Variants in ADCY5 observed in about 807,000 individuals in gnomAD.
The protein encoded by ADCY5 is adenylate cyclase type 5.
A neutral mutation model predicts 119.7 loss-of-function variants in ADCY5; 30 were observed. That is an observed-to-expected ratio of 0.25 (90% CI 0.19 to 0.34). The LOEUF is 0.34. Ranked by LOEUF, ADCY5 falls within the 10% of genes least tolerant of loss-of-function variation. The pLI is 1.00. For synonymous variants in ADCY5, 753 were observed against 762.2 expected (o/e 0.99, Z 0.20); for missense variants, 1,324 against 1,775.2 (o/e 0.75, Z 4.57).
intron 1 of ADCY5, among the ~76,000 whole-genome samples, chr3:123,358,546 G>A (rs1457489082): frequency 6.6e-6 from 1 of 152,176 alleles, no homozygotes; most frequent in African/African-American, 2.4e-5. Context: ...GCTGCAGTGA[G>A]CTATGACCAT....
chr3:123,315,207 C>T (rs531551592), intron 11 of ADCY5, among the ~76,000 whole-genome samples: 2 of 152,298 alleles, frequency 1.3e-5, no homozygotes, highest in South Asian at 2.1e-4. Flanking sequence ...CCGTGGGGGG[C>T]GTGAGAGGCA....
At position 123,448,560 on chromosome 3, in the gene ADCY5, C is replaced by T; in HGVS notation, c.-15G>A. The T allele has an allele frequency of 3.2e-6, 4 of 1,262,582 alleles. No individual in the cohort carries two copies. Among genetic ancestry groups the T allele is most frequent in the Non-Finnish European group, 4.0e-6 (4 of 1,005,704 alleles). The allele number at this position is 1,262,582 out of a possible 1,614,324, so 78.2% of individuals were successfully genotyped here. On this transcript the variant is annotated 5_prime_UTR_variant, in exon 1 of 21. Transcript: ENST00000462833. ...GAGCCGGACATCCCCCCCTCGGCCTCGTCGTCTCCTTCCTCCTCCCCCGGA... is the reference window on the plus strand; with the variant it reads ...GAGCCGGACATCCCCCCCTCGGCCTTGTCGTCTCCTTCCTCCTCCCCCGGA...
chr3:123,360,186 C>T (rs1559836088), intron 1 of ADCY5, among the ~76,000 whole-genome samples: 1 of 151,928 alleles, frequency 6.6e-6, no homozygotes, highest in Non-Finnish European at 1.5e-5. Flanking sequence ...ATCAAAGCTG[C>T]ATTATCTCTG....
In ADCY5 at chr3:123,286,188, A is replaced by T. The variant is rs1203731370; in HGVS notation, c.3657+497T>A. Among the ~76,000 whole-genome samples, 1 of 152,182 alleles carries T rather than the reference A, an allele frequency of 6.6e-6. No individual in the cohort carries two copies. Among genetic ancestry groups the T allele is most frequent in the Non-Finnish European group, 1.5e-5 (1 of 68,026 alleles). On this transcript the variant is annotated intron_variant, in intron 20 of 20. Transcript: ENST00000462833. The surrounding 1 kb of genome is among the most constrained non-coding windows in gnomAD (Gnocchi z 4.2). ...CACAAGCCCAGCTCGCAAAGGAGGG[A>T]GCAAGGGGAAAAGGCCTCTGAGTCT...
chr3:123,297,358 G>T lies in ADCY5; in HGVS notation c.2925C>A (p.Ser975=), dbSNP rs780928011. ...TCCGAGGAGCATCAACTCACCACTGGGAGGTCCCGTTGTTGAAGAAGTCTC... is the reference window on the plus strand; with the variant it reads ...TCCGAGGAGCATCAACTCACCACTGTGAGGTCCCGTTGTTGAAGAAGTCTC... ...NAIDFFNNGT[S]QCPEHATKVA... The change falls in exon 16 of 21, where the codon TCC becomes TCA. Residue 975 remains serine, a synonymous_variant. Transcript: ENST00000462833. 2.5e-6 allele frequency: 4 copies of T among 1,613,994 alleles called. No individual in the cohort carries two copies. Among genetic ancestry groups the T allele is most frequent in the Non-Finnish European group, 3.4e-6 (4 of 1,179,992 alleles).
Position 123,352,197 on chromosome 3 carries a change from C to T in ADCY5, c.1284+235G>A, listed in dbSNP as rs1012264052. Among the ~76,000 whole-genome samples, 12 of 152,192 alleles carry T rather than the reference C, an allele frequency of 7.9e-5. No individual in the cohort carries two copies. The highest frequency in any genetic ancestry group is 9.6e-5 in the African/African-American group (4 of 41,536). Reference sequence around the variant, plus strand: ...TGGGCTTGTTTGCAAACCACAGGGACGCCACATGGCTATGGGCACCAGGCC... The same window carrying T: ...TGGGCTTGTTTGCAAACCACAGGGATGCCACATGGCTATGGGCACCAGGCC... On this transcript the variant is annotated intron_variant, in intron 2 of 20. Coordinates refer to ENST00000462833, the MANE Select transcript of ADCY5 (RefSeq NM_183357.3). The surrounding 1 kb of genome is among the most constrained non-coding windows in gnomAD (Gnocchi z 4.8).
chr3:123,418,562 G>A (rs1282045361), intron 1 of ADCY5, among the ~76,000 whole-genome samples: 2 of 152,108 alleles, frequency 1.3e-5, no homozygotes, highest in African/African-American at 4.8e-5. Flanking sequence ...GGGCGCCCTG[G>A]CTTTACAACA....
intron 3 of ADCY5, among the ~76,000 whole-genome samples, chr3:123,347,266 T>C (rs2108478648): frequency 6.6e-6 from 1 of 152,274 alleles, no homozygotes; most frequent in South Asian, 2.1e-4. Flanking sequence ...ATGAAGTAAA[T>C]AGCATACATG....
At chr3:123,444,877 A>G (rs533277558) in intron 1 of ADCY5, among the ~76,000 whole-genome samples, 1 of 152,324 alleles carries the variant, frequency 6.6e-6, no homozygotes, top group Admixed American at 6.5e-5. Context: ...TCAACAAAGA[A>G]AAGAACAAGG....
intron 14 of ADCY5, among the ~76,000 whole-genome samples, chr3:123,300,839 G>C (rs1217726317): frequency 6.6e-6 from 1 of 152,198 alleles, no homozygotes; most frequent in African/African-American, 2.4e-5. Context: ...CCTCACTTCT[G>C]GGACGCTAGT....
intron 11 of ADCY5, 67 bp downstream of exon 11, chr3:123,317,953 A>G: frequency 7.0e-7 from 1 of 1,433,494 alleles, no homozygotes; most frequent in Non-Finnish European, 9.8e-7. Flanking sequence ...CTAAATGACC[A>G]CCCCCTCCCA....
chr3:123,303,316 C>A, intron 13 of ADCY5, 97 bp from the exon 14 acceptor site: 1 of 1,330,852 alleles, frequency 7.5e-7, no homozygotes, highest in Non-Finnish European at 1.0e-6. Flanking sequence ...GCCTGTCCTC[C>A]GCCTCAGGTG....
At chr3:123,347,728 A>T in intron 3 of ADCY5, 54 bp downstream of exon 3, 1 of 1,607,718 alleles carries the variant, frequency 6.2e-7, no homozygotes, top group Non-Finnish European at 8.5e-7. Flanking sequence ...GGATGTCTCC[A>T]CAGGGGTCCA....
At chr3:123,293,741 C>T (rs1412450599) in intron 17 of ADCY5, among the ~76,000 whole-genome samples, 3 of 152,150 alleles carry the variant, frequency 2.0e-5, no homozygotes, top group Non-Finnish European at 2.9e-5. Context: ...GGTATGAACT[C>T]AGGATTATTA....
At chr3:123,358,188 GTGTGT>G (rs1559834456) in intron 1 of ADCY5, among the ~76,000 whole-genome samples, 4 of 146,906 alleles carry the variant, frequency 2.7e-5, no homozygotes, top group African/African-American at 1.1e-4. Context: ...GTGTGTGTGT[GTGTGT>G]GTAGGGAGTT....
At chr3:123,351,601 C>G (rs1387654285) in intron 2 of ADCY5, among the ~76,000 whole-genome samples, 1 of 152,140 alleles carries the variant, frequency 6.6e-6, no homozygotes, top group African/African-American at 2.4e-5. Context: ...CCCTGCAGAC[C>G]CGCCCACTCT....
intron 1 of ADCY5, among the ~76,000 whole-genome samples, chr3:123,386,461 G>A (rs1032617909): frequency 2.6e-5 from 4 of 152,222 alleles, no homozygotes; most frequent in Non-Finnish European, 4.4e-5. Context: ...GGTGCCCCCA[G>A]AACTGGCCCA....
At chr3:123,437,367 C>T (rs1945637174) in intron 1 of ADCY5, among the ~76,000 whole-genome samples, 1 of 152,108 alleles carries the variant, frequency 6.6e-6, no homozygotes, top group South Asian at 2.1e-4. Context: ...CTCAGGTTCT[C>T]TCCCTCAGGT....
intron 1 of ADCY5, among the ~76,000 whole-genome samples, chr3:123,371,862 G>T (rs186008728): frequency 3.0e-3 from 450 of 152,278 alleles, no homozygotes; most frequent in African/African-American, 0.01. Flanking sequence ...AGGGATAGCT[G>T]GGCCCTGGGC....
Sources: allele counts gnomAD v4.1 joint callset (sites outside exome capture counted in the v4.1 genomes callset), GRCh38; gene constraint gnomAD v4.1.1; non-coding constraint Gnocchi (gnomAD v3.1); transcripts MANE v1.5; gene names NCBI Gene and HGNC (gene_info 2026-07-23, HGNC 2026-07-21).